The following AGAP1 variants were observed in gnomAD, a reference collection of about 807,000 sequenced individuals.
The protein encoded by AGAP1 is ArfGAP with GTPase domain, ankyrin repeat and PH domain 1.
In AGAP1, 29 loss-of-function variants were observed where a neutral mutation model predicts 105.3. The observed-to-expected ratio is 0.28, with a 90% confidence interval of 0.21 to 0.38. The LOEUF is 0.38. Ranked by LOEUF, AGAP1 falls within the 10% of genes least tolerant of loss-of-function variation. AGAP1 has a pLI of 1.00. For synonymous variants in AGAP1, 509 were observed against 485.9 expected, an observed-to-expected ratio of 1.05 and a Z score of -0.63; for missense variants, 998 against 1,165.1, an observed-to-expected ratio of 0.86 and a Z score of 2.09.
intron 6 of AGAP1, among the ~76,000 whole-genome samples, chr2:235,776,110 C>G (rs1346312320): frequency 1.3e-5 from 2 of 152,102 alleles, no homozygotes; most frequent in African/African-American, 4.8e-5. Flanking sequence ...CTCTTAAGAA[C>G]TGATTTTGCT....
At chr2:235,500,426 CG>C (rs1941513795) in intron 1 of AGAP1, among the ~76,000 whole-genome samples, 1 of 152,188 alleles carries the variant, frequency 6.6e-6, no homozygotes, top group Admixed American at 6.5e-5. Flanking sequence ...CCTGAGGATG[CG>C]GATGCCCTGG....
At position 235,550,281 on chromosome 2, in the gene AGAP1, A is replaced by T. The variant is rs1440623769; in HGVS notation, c.163+55432A>T. ...TGACTGGCGAGGAGGGCACGTCCCC[A>T]CGTTCATGCCCTGTACTAGGGTCCC... On this transcript the variant is annotated intron_variant, in intron 1 of 17. Coordinates refer to ENST00000304032, the MANE Select transcript of AGAP1 (RefSeq NM_001037131.3). The surrounding 1 kb of genome is among the most constrained non-coding windows in gnomAD (Gnocchi z 4.6). Among the ~76,000 whole-genome samples the T allele has an allele frequency of 1.3e-5, 2 of 151,992 alleles. No homozygotes were observed. Among genetic ancestry groups the T allele is most frequent in the Non-Finnish European group, 2.9e-5 (2 of 67,982 alleles).
chr2:235,846,425 C>G (rs932076430), intron 9 of AGAP1, among the ~76,000 whole-genome samples: 3 of 150,940 alleles, frequency 2.0e-5, no homozygotes, highest in Non-Finnish European at 3.0e-5. Context: ...CTCCCCAGTT[C>G]AAGCGATTAT....
In AGAP1 at chr2:235,689,483, C is replaced by G. The variant is rs1274873566; in HGVS notation, c.164-19696C>G. Among the ~76,000 whole-genome samples the G allele has an allele frequency of 6.6e-6, 1 of 152,218 alleles. No homozygotes were observed. The highest frequency in any genetic ancestry group is 2.4e-5 in the African/African-American group (1 of 41,452). On this transcript the variant is annotated intron_variant, in intron 1 of 17. Coordinates refer to ENST00000304032, the MANE Select transcript of AGAP1 (RefSeq NM_001037131.3). The surrounding 1 kb of genome is among the most constrained non-coding windows in gnomAD (Gnocchi z 4.2). ...CAGAGAGGCAGGCAGAATAGCTTGT[C>G]CAGGAAAATAATAGTGCGTTTGTAA...
chr2:235,991,251 A>G (rs913539752), intron 13 of AGAP1, among the ~76,000 whole-genome samples: 14 of 152,136 alleles, frequency 9.2e-5, no homozygotes, highest in Non-Finnish European at 1.6e-4. Context: ...TCTGTCCTTT[A>G]ATTTTGAAGG....
Position 236,076,966 on chromosome 2 carries a change from C to T in AGAP1, c.2114+27685C>T, listed in dbSNP as rs1310192804. Among the ~76,000 whole-genome samples, 2 of 150,064 alleles carry T rather than the reference C, an allele frequency of 1.3e-5. No homozygotes were observed. The highest frequency in any genetic ancestry group is 3.0e-5 in the Non-Finnish European group (2 of 67,502). On this transcript the variant is annotated intron_variant, in intron 16 of 17. Transcript: ENST00000304032. This position sits in a 1 kb window ranked among gnomAD's most constrained non-coding sequence, Gnocchi z 4.4. ...ACAGAAAATACCCAAAAAAAAAAAG[C>T]CAGGCATGGTGGTGCATGTCTGTGT...
chr2:235,494,602 CGCCCCGGGCTCGGCGGCCCGCGG>C lies in AGAP1; in HGVS notation c.-76_-54del, dbSNP rs1381631440. 3.3e-6 allele frequency: 2 copies of C among 601,264 alleles called. No individual in the cohort carries two copies. The highest frequency in any genetic ancestry group is 1.5e-4 in the East Asian group (1 of 6,470). 37.2% of individuals were successfully genotyped at this position (601,264 alleles called of 1,614,324 possible). ...GGGCCCGGCTCCCCGGGGGCTGCGG[CGCCCCGGGCTCGGCGGCCCGCGG>C]GCCCCGGGGCGCGGGGCGGCGGCGG... On this transcript the variant is annotated 5_prime_UTR_variant, in exon 1 of 18. Transcript: ENST00000304032.
chr2:235,993,054 T>C lies in AGAP1; in HGVS notation c.1645+24431T>C, dbSNP rs1033690540. ...AAACCAGTTTAAGACATGGACTTTT[T>C]TCATATGTACATCTGAAAATGACTT... On this transcript the variant is annotated intron_variant, in intron 13 of 17. Coordinates refer to ENST00000304032, the MANE Select transcript of AGAP1 (RefSeq NM_001037131.3). This position sits in a 1 kb window ranked among gnomAD's most constrained non-coding sequence, Gnocchi z 5.0. Among the ~76,000 whole-genome samples, 9 of 152,250 alleles carry C rather than the reference T, an allele frequency of 5.9e-5. No individual in the cohort carries two copies. The highest frequency in any genetic ancestry group is 1.2e-4 in the Non-Finnish European group (8 of 68,048).
intron 16 of AGAP1, among the ~76,000 whole-genome samples, chr2:236,115,166 C>T (rs991476262): frequency 2.6e-5 from 4 of 152,234 alleles, no homozygotes; most frequent in African/African-American, 4.8e-5. Flanking sequence ...GCCGCTTCCA[C>T]GGGTGAGCTC....
rs961543315 is a variant in AGAP1, at chr2:236,077,024, C to T, written c.2114+27743C>T. On this transcript the variant is annotated intron_variant, in intron 16 of 17. Transcript: ENST00000304032. ...ACTCCAGAGGCTGAGGCGGGAGGAT[C>T]GCTTGAGTCTGGGAGGAGGAGGTTG... Among the ~76,000 whole-genome samples the T allele has an allele frequency of 1.7e-4, 25 of 149,488 alleles. 1 individual carries two copies. The highest frequency in any genetic ancestry group is 5.6e-4 in the African/African-American group (23 of 40,736).
chr2:235,585,099 C>G (rs951191335), intron 1 of AGAP1, among the ~76,000 whole-genome samples: 4 of 151,994 alleles, frequency 2.6e-5, no homozygotes, highest in Admixed American at 6.6e-5. Context: ...GTCTTTCCCT[C>G]TCTTGGCTGT....
intron 12 of AGAP1, among the ~76,000 whole-genome samples, chr2:235,940,434 A>G (rs1034987628): frequency 6.6e-5 from 10 of 152,156 alleles, no homozygotes; most frequent in Non-Finnish European, 2.9e-5. Context: ...CTGGCTGACA[A>G]GGCCCCAGCT....
Position 236,049,180 on chromosome 2 carries a change from C to T in AGAP1, c.2013C>T (p.Val671=), listed in dbSNP as rs147314067. 3.5e-5 allele frequency: 57 copies of T among 1,613,972 alleles called. No individual in the cohort carries two copies. The highest frequency in any genetic ancestry group is 5.5e-5 in the South Asian group (5 of 91,080). Residue 671 remains valine (V), a synonymous_variant, in exon 16 of 18, where the codon GTC becomes GTT. Coordinates refer to ENST00000304032, the MANE Select transcript of AGAP1 (RefSeq NM_001037131.3). ...VRSLDLDDWP[V]ELIKVMSSIG... ...CTCTGGACCTGGATGACTGGCCAGT[C>T]GAGCTCATCAAGGTGATGTCATCCA...
chr2:235,737,681 G>A lies in AGAP1; in HGVS notation c.311-3282G>A, dbSNP rs1952330872. Among the ~76,000 whole-genome samples the A allele has an allele frequency of 6.6e-6, 1 of 152,182 alleles. No individual in the cohort carries two copies. The highest frequency in any genetic ancestry group is 2.1e-4 in the South Asian group (1 of 4,832). On this transcript the variant is annotated intron_variant, in intron 3 of 17. Transcript: ENST00000304032. The surrounding 1 kb of genome is among the most constrained non-coding windows in gnomAD (Gnocchi z 4.5). ...TGCTCACCTGACATGCAACAGGGAG[G>A]GTCATCTGCCAGGGCGTCACGGTCA...
In AGAP1 at chr2:235,787,197, C is replaced by T. The variant is rs1956697321; in HGVS notation, c.674-10562C>T. On this transcript the variant is annotated intron_variant, in intron 6 of 17. Transcript: ENST00000304032. This position sits in a 1 kb window ranked among gnomAD's most constrained non-coding sequence, Gnocchi z 4.4. ...TAAGAGTTGAGCTAGCAGGGGCCGC[C>T]TCTACCCTTGGCTGCTGCTTCCAAA... is the stretch of plus-strand genomic sequence containing the variant. 6.6e-6 allele frequency among the ~76,000 whole-genome samples: 1 copy of T among 152,242 alleles called. No individual in the cohort carries two copies. The highest frequency in any genetic ancestry group is 2.4e-5 in the African/African-American group (1 of 41,460).
At position 235,865,523 on chromosome 2, in the gene AGAP1, C is replaced by T. The variant is rs933057649; in HGVS notation, c.1051-17822C>T. Among the ~76,000 whole-genome samples, 4 of 152,106 alleles carry T rather than the reference C, an allele frequency of 2.6e-5. No homozygotes were observed. The highest frequency in any genetic ancestry group is 6.5e-5 in the Admixed American group (1 of 15,278). On this transcript the variant is annotated intron_variant, in intron 9 of 17. Coordinates refer to ENST00000304032, the MANE Select transcript of AGAP1 (RefSeq NM_001037131.3). The surrounding 1 kb of genome is among the most constrained non-coding windows in gnomAD (Gnocchi z 6.2). ...GCACAACGACAGAAATATTACTCGC[C>T]GGAAAGGGGAGGGGGTCTTTGGGGA... is the stretch of plus-strand genomic sequence containing the variant.
At chr2:235,504,565 A>G (rs1363347288) in intron 1 of AGAP1, among the ~76,000 whole-genome samples, 2 of 147,616 alleles carry the variant, frequency 1.4e-5, no homozygotes, top group Non-Finnish European at 3.0e-5. Context: ...GCTGTCATGA[A>G]TAGCACCACT....
intron 1 of AGAP1, among the ~76,000 whole-genome samples, chr2:235,707,140 G>A (rs533251426): frequency 6.6e-6 from 1 of 152,360 alleles, no homozygotes; most frequent in South Asian, 2.1e-4. Context: ...TGGGAGGAGA[G>A]TAGAGGGGCA....
At chr2:235,710,671 C>T (rs1950809028) in intron 2 of AGAP1, among the ~76,000 whole-genome samples, 1 of 152,230 alleles carries the variant, frequency 6.6e-6, no homozygotes, top group Non-Finnish European at 1.5e-5. Flanking sequence ...GCGGCACTGG[C>T]AGGGTGTCTT....
Sources: gnomAD v4.1 joint callset for allele counts (sites outside exome capture counted in the v4.1 genomes callset) on GRCh38, gnomAD v4.1.1 for gene constraint, Gnocchi (gnomAD v3.1) non-coding constraint, MANE v1.5 for transcripts, NCBI Gene and HGNC (gene_info 2026-07-23, HGNC 2026-07-21) for gene names.